The following KIF13A variants were observed in gnomAD, a reference collection of about 807,000 sequenced individuals.
The protein encoded by KIF13A is kinesin family member 13A, also known as kinesin-like protein KIF13A.
KIF13A carries 79 observed loss-of-function variants against 212.2 expected under a neutral mutation model. The ratio of observed to expected loss-of-function variants is 0.37; its 90% confidence interval spans 0.31 to 0.45. KIF13A has a LOEUF of 0.45. Ranked by LOEUF, KIF13A falls within the 20% of genes least tolerant of loss-of-function variation. The pLI, the probability that KIF13A is intolerant of heterozygous loss-of-function variation, is 1.00. For synonymous variants in KIF13A, 789 were observed against 808.6 expected (o/e 0.98, Z 0.41); for missense variants, 1,901 against 2,209.0 (o/e 0.86, Z 2.79).
chr6:17,874,761 G>A (rs891886903), intron 3 of KIF13A, among the ~76,000 whole-genome samples: 2 of 151,146 alleles, frequency 1.3e-5, no homozygotes, highest in African/African-American at 2.4e-5. Context: ...TTTATCCCTC[G>A]CCCCTCTCCC....
At chr6:17,861,680 T>C (rs71556145) in intron 4 of KIF13A, among the ~76,000 whole-genome samples, 1 of 152,338 alleles carries the variant, frequency 6.6e-6, no homozygotes, top group East Asian at 1.9e-4. Flanking sequence ...CTATTTATTG[T>C]TCATTTGTAT....
Position 17,799,975 on chromosome 6 carries a change from G to A in KIF13A, c.2593C>T (p.Arg865Ter), listed in dbSNP as rs768322177. The A allele has an allele frequency of 1.2e-6, 2 of 1,613,634 alleles. No individual in the cohort carries two copies. The highest frequency in any genetic ancestry group is 1.7e-6 in the Non-Finnish European group (2 of 1,179,748). The change falls in exon 21 of 39, where the codon CGA becomes TGA. Residue 865 changes from arginine (R) to a stop codon, truncating the protein, a stop_gained. Coordinates refer to ENST00000259711, the MANE Select transcript of KIF13A (RefSeq NM_022113.6). LOFTEE classifies it high-confidence loss of function. This position sits in a 1 kb window ranked among gnomAD's most constrained non-coding sequence, Gnocchi z 4.4. ...VVDSSGEIIHRVKKLTCRVKI... is the reference protein window; with the variant it reads ...VVDSSGEIIH Reference sequence around the variant, plus strand: ...ACCCGACATGTCAGCTTTTTGACTCGGTGAATGATTTCCCCGCTGCTGTCT... The same window carrying A: ...ACCCGACATGTCAGCTTTTTGACTCAGTGAATGATTTCCCCGCTGCTGTCT...
rs1273064790 is a variant in KIF13A at position 17,899,987 on chromosome 6, T to C, written c.147-1807A>G. 6.6e-6 allele frequency among the ~76,000 whole-genome samples: 1 copy of C among 152,188 alleles called. No homozygotes were observed. ...CAATAATAAAACTTTATGAACCATATTTTTGACTAAACCTTCTCATTTTGC... is the reference window on the plus strand; with the variant it reads ...CAATAATAAAACTTTATGAACCATACTTTTGACTAAACCTTCTCATTTTGC... On this transcript the variant is annotated intron_variant, in intron 2 of 38. Coordinates refer to ENST00000259711, the MANE Select transcript of KIF13A (RefSeq NM_022113.6). This position sits in a 1 kb window ranked among gnomAD's most constrained non-coding sequence, Gnocchi z 5.2.
At chr6:17,930,279 C>T (rs999387081) in intron 2 of KIF13A, among the ~76,000 whole-genome samples, 4 of 152,116 alleles carry the variant, frequency 2.6e-5, no homozygotes, top group Non-Finnish European at 5.9e-5. Context: ...GAAAGAAGTA[C>T]CAGCTTAGCG....
Position 17,780,776 on chromosome 6 carries a change from T to A in KIF13A, c.3800A>T (p.Glu1267Val). 6.2e-7 allele frequency: 1 copy of A among 1,614,018 alleles called. No homozygotes were observed. Among genetic ancestry groups the A allele is most frequent in the Non-Finnish European group, 8.5e-7 (1 of 1,179,892 alleles). The part of the protein sequence containing the change: ...TVQLSHPAAM[E>V]LVLRKRIAAN... ...TGCAATTCGTTTTCGTAATACTAAC[T>A]CCATAGCAGCAGGGTGGCTGAGTTG... The change falls in exon 31 of 39, where the codon GAG (glutamate) becomes GTG (valine). Residue 1267 changes from glutamate to valine, a missense_variant. Transcript: ENST00000259711.
At chr6:17,812,575 C>G (rs6906458) in intron 17 of KIF13A, 1 of 152,118 alleles carries the variant, frequency 6.6e-6, no homozygotes, top group Non-Finnish European at 1.5e-5. Flanking sequence ...TTTATCCAGT[C>G]TATCGTTGGA....
chr6:17,975,474 G>A (rs149992669), intron 2 of KIF13A, among the ~76,000 whole-genome samples: 3 of 152,284 alleles, frequency 2.0e-5, no homozygotes, highest in Middle Eastern at 3.4e-3. Context: ...CTTCAGCGGT[G>A]AGCGTTACAG....
rs1760236184 is a variant in KIF13A, at chr6:17,778,958, G to A, written c.4081C>T (p.Arg1361Trp). The change falls in exon 33 of 39, where the codon CGG (arginine) becomes TGG (tryptophan). Residue 1361 changes from arginine (R) to tryptophan (W), a missense_variant. Arg to Trp is a moderately radical substitution (Grantham distance 101, BLOSUM62 -3). This residue lies in a region of KIF13A where 687 missense variants were observed against 759.1 expected (regional missense o/e 0.90). Transcript: ENST00000259711. The stretch of plus-strand genomic sequence containing the variant: ...ATTCAGTTACTTGCCTGCCGGAGCC[G>A]TTCAAGACTCAGAATGTTTTCCACC... ...LQVENILSLE[R>W]LRQAVTVKEA... is the part of the protein sequence containing the mutation. 2 of 1,593,946 alleles carry A rather than the reference G, an allele frequency of 1.3e-6. No homozygotes were observed. Among genetic ancestry groups the A allele is most frequent in the Non-Finnish European group, 1.7e-6 (2 of 1,170,146 alleles).
Position 17,900,745 on chromosome 6 carries a change from C to T in KIF13A, c.147-2565G>A, listed in dbSNP as rs543864784. ...ACCCTGTAATTCATTCATTGATACA[C>T]CTTTCTTAAGGTTTCTAAGGGACTC... On this transcript the variant is annotated intron_variant, in intron 2 of 38. Coordinates refer to ENST00000259711, the MANE Select transcript of KIF13A (RefSeq NM_022113.6). The surrounding 1 kb of genome is among the most constrained non-coding windows in gnomAD (Gnocchi z 4.6). Among the ~76,000 whole-genome samples, 87 of 152,246 alleles carry T rather than the reference C, an allele frequency of 5.7e-4. No individual in the cohort carries two copies. The highest frequency in any genetic ancestry group is 3.4e-3 in the Middle Eastern group (1 of 294).
chr6:17,808,972 A>C, intron 17 of KIF13A, 42 bp from the exon 18 acceptor site: 1 of 1,508,432 alleles, frequency 6.6e-7, no homozygotes, highest in Non-Finnish European at 8.9e-7. Context: ...TCTAAAGGAA[A>C]ACTGCAATCC....
Position 17,783,006 on chromosome 6 carries a change from C to T in KIF13A, c.3544+640G>A, listed in dbSNP as rs1238339818. On this transcript the variant is annotated intron_variant, in intron 29 of 38. Transcript: ENST00000259711. This position sits in a 1 kb window ranked among gnomAD's most constrained non-coding sequence, Gnocchi z 4.3. ...GCCAAAGCCACCCTCCCTGTGTCTT[C>T]CATCCATTATTTTGGGCTTCCTTCT... Among the ~76,000 whole-genome samples the T allele has an allele frequency of 6.6e-6, 1 of 152,196 alleles. No individual in the cohort carries two copies. Among genetic ancestry groups the T allele is most frequent in the East Asian group, 1.9e-4 (1 of 5,192 alleles).
intron 3 of KIF13A, among the ~76,000 whole-genome samples, chr6:17,879,471 C>G (rs1770867606): frequency 6.6e-6 from 1 of 152,178 alleles, no homozygotes; most frequent in South Asian, 2.1e-4. Context: ...TCATTACTTT[C>G]ACATGCATGG....
Position 17,838,502 on chromosome 6 carries a change from G to T in KIF13A, c.831-919C>A, listed in dbSNP as rs1018950315. Among the ~76,000 whole-genome samples, 5 of 151,894 alleles carry T rather than the reference G, an allele frequency of 3.3e-5. No individual in the cohort carries two copies. The highest frequency in any genetic ancestry group is 9.7e-5 in the African/African-American group (4 of 41,350). Reference sequence around the variant, plus strand: ...AAAGACGAGTCACTGAAAAGTCCCCGAAATATAATATAAACTCAAGATTCA... The same window carrying T: ...AAAGACGAGTCACTGAAAAGTCCCCTAAATATAATATAAACTCAAGATTCA... On this transcript the variant is annotated intron_variant, in intron 9 of 38. Transcript: ENST00000259711. The surrounding 1 kb of genome is among the most constrained non-coding windows in gnomAD (Gnocchi z 4.2).
At chr6:17,796,041 A>T (rs909400532) in intron 23 of KIF13A, among the ~76,000 whole-genome samples, 1 of 152,204 alleles carries the variant, frequency 6.6e-6, no homozygotes, top group Non-Finnish European at 1.5e-5. Context: ...TTGATAGGAC[A>T]TATCATTCCC....
intron 2 of KIF13A, among the ~76,000 whole-genome samples, chr6:17,949,588 T>A (rs1777692989): frequency 6.6e-6 from 1 of 152,038 alleles, no homozygotes; most frequent in Non-Finnish European, 1.5e-5. Flanking sequence ...CTAAACAACA[T>A]CACAAAATAC....
Position 17,831,243 on chromosome 6 carries a change from C to T in KIF13A, c.1267-8G>A. On this transcript the variant is annotated splice_region_variant and splice_polypyrimidine_tract_variant and intron_variant, in intron 12 of 38. Coordinates refer to ENST00000259711, the MANE Select transcript of KIF13A (RefSeq NM_022113.6). ...AAGTTGTCGTTGTCTTTCCTGTGCACAAAAACAGACAAAAGAAGGAAACTC... is the reference window on the plus strand; with the variant it reads ...AAGTTGTCGTTGTCTTTCCTGTGCATAAAAACAGACAAAAGAAGGAAACTC... 1 of 1,601,244 alleles carries T rather than the reference C, an allele frequency of 6.2e-7. No individual in the cohort carries two copies. Among genetic ancestry groups the T allele is most frequent in the South Asian group, 1.1e-5 (1 of 88,282 alleles).
intron 2 of KIF13A, among the ~76,000 whole-genome samples, chr6:17,929,059 CA>C (rs375511285): frequency 5.3e-3 from 193 of 36,672 alleles, no homozygotes; most frequent in African/African-American, 9.8e-3. Flanking sequence ...AAGAATTTCT[CA>C]AAAAAAAAAA....
At chr6:17,780,012 C>G (rs1031764013) in intron 31 of KIF13A, among the ~76,000 whole-genome samples, 1 of 152,096 alleles carries the variant, frequency 6.6e-6, no homozygotes, top group Non-Finnish European at 1.5e-5. Flanking sequence ...TCTCAAAGTG[C>G]TGGGACTACA....
At chr6:17,867,004 C>T (rs1769470230) in intron 4 of KIF13A, among the ~76,000 whole-genome samples, 3 of 151,616 alleles carry the variant, frequency 2.0e-5, no homozygotes. Context: ...CTGGATTACC[C>T]AACATTCTCT....
Sources: allele counts gnomAD v4.1 joint callset (sites outside exome capture counted in the v4.1 genomes callset), GRCh38; gene constraint gnomAD v4.1.1; regional missense constraint gnomAD v4.1.1; non-coding constraint Gnocchi (gnomAD v3.1); transcripts MANE v1.5; gene names NCBI Gene and HGNC (gene_info 2026-07-23, HGNC 2026-07-21).